Variants in CDYL observed in about 807,000 individuals in gnomAD.
The protein encoded by CDYL is chromodomain Y-like protein.
CDYL carries 8 observed loss-of-function variants against 47.3 expected under a neutral mutation model. That is an observed-to-expected ratio of 0.17 (90% CI 0.10 to 0.31). CDYL has a LOEUF of 0.31. Ranked by LOEUF, CDYL falls within the 10% of genes least tolerant of loss-of-function variation. The pLI is 1.00. For missense variants in CDYL, 471 were observed against 701.4 expected (o/e 0.67, Z 3.71); for synonymous variants, 266 against 265.0 (o/e 1.00, Z -0.04).
chr6:4,848,520 T>G (rs1161593966), intron 1 of CDYL, among the ~76,000 whole-genome samples: 3 of 152,338 alleles, frequency 2.0e-5, no homozygotes, highest in East Asian at 3.9e-4. Context: ...ATGAGAACAG[T>G]GCACAGCTGT....
intron 1 of CDYL, among the ~76,000 whole-genome samples, chr6:4,864,768 T>C (rs535288147): frequency 6.6e-6 from 1 of 152,302 alleles, no homozygotes; most frequent in East Asian, 1.9e-4. Flanking sequence ...TTCTGAGGCC[T>C]CCCTAGGCAT....
At chr6:4,733,478 C>G (rs868136) in intron 2 of CDYL, among the ~76,000 whole-genome samples, 44,460 of 149,988 alleles carry the variant, frequency 0.3, 6,672 homozygotes, top group African/African-American at 0.34. Context: ...AGACAGAGAT[C>G]AAATGGATAA....
At chr6:4,750,978 G>A (rs1457398065) in intron 3 of CDYL, among the ~76,000 whole-genome samples, 2 of 150,584 alleles carry the variant, frequency 1.3e-5, no homozygotes, top group African/African-American at 4.9e-5. Flanking sequence ...TCAGCCTCCC[G>A]AGTAGCTGGG....
chr6:4,832,829 A>G (rs1249773331), intron 1 of CDYL, among the ~76,000 whole-genome samples: 5 of 148,638 alleles, frequency 3.4e-5, no homozygotes, highest in Non-Finnish European at 7.5e-5. Flanking sequence ...TGAGGAATTT[A>G]TCCATTTCTT....
intron 1 of CDYL, among the ~76,000 whole-genome samples, chr6:4,827,481 G>T (rs1299796431): frequency 6.6e-6 from 1 of 151,890 alleles, no homozygotes; most frequent in Admixed American, 6.6e-5. Flanking sequence ...GGTTATCATG[G>T]GAATTATATG....
rs772807811 is a variant in CDYL at position 4,892,138 on chromosome 6, GAGC to G, written c.453_455del (p.Ser151del). 6.2e-7 allele frequency: 1 copy of G among 1,614,266 alleles called. No homozygotes were observed. Among genetic ancestry groups the G allele is most frequent in the Non-Finnish European group, 8.5e-7 (1 of 1,180,052 alleles). ...TCCTCGTGCCTAAAAGCCCCGTTAA[GAGC>G]AGGACCGCAGTGGACGGCTTTCAGA... On this transcript the variant is annotated inframe_deletion, in exon 2 of 7. Transcript: ENST00000397588.
At chr6:4,792,598 A>T (rs941670809) in intron 1 of CDYL, among the ~76,000 whole-genome samples, 4 of 151,664 alleles carry the variant, frequency 2.6e-5, no homozygotes, top group Admixed American at 2.6e-4. Flanking sequence ...ACCATGGCCG[A>T]CTAATTTTTG....
At chr6:4,842,831 GT>G (rs1006053336) in intron 1 of CDYL, among the ~76,000 whole-genome samples, 36 of 151,084 alleles carry the variant, frequency 2.4e-4, no homozygotes, top group African/African-American at 8.3e-4. Flanking sequence ...ACCCTTGTGG[GT>G]TTTTTTTTCC....
chr6:4,894,722 T>A (rs1459264397), intron 2 of CDYL, among the ~76,000 whole-genome samples: 1 of 152,110 alleles, frequency 6.6e-6, no homozygotes, highest in Non-Finnish European at 1.5e-5. Context: ...AATGCTGGAT[T>A]ACAGGCGTGA....
chr6:4,727,806 A>G (rs1008413116), intron 2 of CDYL, among the ~76,000 whole-genome samples: 2 of 152,030 alleles, frequency 1.3e-5, no homozygotes, highest in Non-Finnish European at 2.9e-5. Context: ...CATGCACTCA[A>G]TGAGTGCTCT....
intron 2 of CDYL, among the ~76,000 whole-genome samples, chr6:4,721,612 C>G (rs1011895254): frequency 1.3e-5 from 2 of 152,056 alleles, no homozygotes; most frequent in African/African-American, 4.8e-5. Flanking sequence ...CACTCCTGGC[C>G]TCAACTGACC....
intron 1 of CDYL, among the ~76,000 whole-genome samples, chr6:4,785,471 T>C (rs1249187745): frequency 6.6e-6 from 1 of 152,256 alleles, no homozygotes; most frequent in East Asian, 1.9e-4. Flanking sequence ...CAATGTTGAC[T>C]GCACATCATG....
At chr6:4,764,359 G>A (rs530805493) in intron 3 of CDYL, among the ~76,000 whole-genome samples, 103 of 152,046 alleles carry the variant, frequency 6.8e-4, no homozygotes, top group African/African-American at 2.2e-3. Context: ...GCATGATCTC[G>A]GCTCACTGCA....
At chr6:4,839,213 A>G (rs561703843) in intron 1 of CDYL, among the ~76,000 whole-genome samples, 2 of 152,078 alleles carry the variant, frequency 1.3e-5, no homozygotes, top group Non-Finnish European at 2.9e-5. Context: ...GGCCATTTGT[A>G]TATCTTCTTT....
Position 4,954,077 on chromosome 6 carries a change from G to A in CDYL, c.*21G>A. On this transcript the variant is annotated 3_prime_UTR_variant, in exon 7 of 7. Transcript: ENST00000397588. ...TCTGAGTGTCGGGCTGCCCACTGGTGACACCGGGATCGGGCTGAGCAGGAG... is the reference window on the plus strand; with the variant it reads ...TCTGAGTGTCGGGCTGCCCACTGGTAACACCGGGATCGGGCTGAGCAGGAG... The A allele has an allele frequency of 4.3e-6, 7 of 1,609,298 alleles. No homozygotes were observed. Among genetic ancestry groups the A allele is most frequent in the Non-Finnish European group, 5.9e-6 (7 of 1,176,918 alleles).
At chr6:4,876,253 C>T (rs1404285129) in intron 1 of CDYL, among the ~76,000 whole-genome samples, 6 of 151,844 alleles carry the variant, frequency 4.0e-5, no homozygotes, top group African/African-American at 1.5e-4. Context: ...CTGTTGAAAA[C>T]GTGTGCTGTT....
intron 1 of CDYL, among the ~76,000 whole-genome samples, chr6:4,708,016 T>C (rs976722642): frequency 1.3e-4 from 20 of 152,152 alleles, no homozygotes; most frequent in African/African-American, 4.1e-4. Context: ...GGCATTGTAG[T>C]TGGAAAACAT....
intron 3 of CDYL, among the ~76,000 whole-genome samples, chr6:4,936,615 A>G (rs552689295): frequency 2.0e-5 from 3 of 152,218 alleles, no homozygotes; most frequent in South Asian, 2.1e-4. Context: ...TTTATGCCCT[A>G]AAATTACCAG....
chr6:4,807,899 G>A (rs1044978457), intron 1 of CDYL, among the ~76,000 whole-genome samples: 16 of 152,056 alleles, frequency 1.1e-4, no homozygotes, highest in Admixed American at 6.5e-4. Flanking sequence ...GAGCCACCGC[G>A]CCGGGCTCAT....
Sources: gnomAD v4.1 joint callset for allele counts (sites outside exome capture counted in the v4.1 genomes callset) on GRCh38, gnomAD v4.1.1 for gene constraint, MANE v1.5 for transcripts, NCBI Gene and HGNC (gene_info 2026-07-23, HGNC 2026-07-21) for gene names.